Variants in REPS2 observed in about 807,000 individuals in gnomAD.
The protein encoded by REPS2 is ralBP1-associated Eps domain-containing protein 2.
In REPS2, 23 loss-of-function variants were observed where a neutral mutation model predicts 53.6. The ratio of observed to expected loss-of-function variants is 0.43; its 90% CI spans 0.31 to 0.61. The LOEUF is 0.61. Among genes scored for constraint, REPS2 ranks in the 20% least tolerant of loss-of-function variants. REPS2 has a pLI of 0.11. For missense variants in REPS2, 446 were observed against 534.9 expected (o/e 0.83, Z 1.64); for synonymous variants, 238 against 218.6 (o/e 1.09, Z -0.78).
intron 17 of REPS2, among the ~76,000 whole-genome samples, chrX:17,142,162 G>C (rs1007210116): frequency 3.6e-5 from 4 of 111,438 alleles, no homozygotes; most frequent in African/African-American, 1.3e-4. Flanking sequence ...TTTGTCATTT[G>C]CATTTAAAAA....
chrX:17,025,537 T>C (rs751287077), intron 4 of REPS2, among the ~76,000 whole-genome samples: 1 of 112,049 alleles, frequency 8.9e-6, no homozygotes, highest in South Asian at 3.7e-4. Context: ...ACCAAAGATA[T>C]TTATATAGTA....
the REPS2 span, among the ~76,000 whole-genome samples, chrX:17,177,269 G>A: frequency 8.9e-6 from 1 of 112,223 alleles, no homozygotes; most frequent in Non-Finnish European, 1.9e-5. Context: ...CCAGGTGAAA[G>A]TGCTCCCAAA....
At chrX:17,018,645 AT>A (rs2061532202) in intron 2 of REPS2, among the ~76,000 whole-genome samples, 1 of 101,921 alleles carries the variant, frequency 9.8e-6, no homozygotes, top group Non-Finnish European at 2.0e-5. Context: ...TTTTTGGCAG[AT>A]AACATTGAAA....
intron 5 of REPS2, among the ~76,000 whole-genome samples, chrX:17,046,436 A>G (rs1461415124): frequency 9.0e-6 from 1 of 111,430 alleles, no homozygotes; most frequent in Non-Finnish European, 1.9e-5. Context: ...TCGGCCTCCC[A>G]AAGTGCTGGG....
intron 3 of REPS2, 92 bp downstream of exon 3, chrX:17,022,363 C>A: frequency 2.3e-6 from 2 of 875,715 alleles, no homozygotes; most frequent in Non-Finnish European, 3.1e-6. Context: ...TCCAGCAAAT[C>A]TCACCATCTG....
At chrX:17,173,038 T>C in the REPS2 span, among the ~76,000 whole-genome samples, 1 of 110,630 alleles carries the variant, frequency 9.0e-6, no homozygotes, top group African/African-American at 3.3e-5. Context: ...AGCTTTGTAA[T>C]TTAATAATAT....
At chrX:17,159,193 C>G in the REPS2 span, among the ~76,000 whole-genome samples, 1 of 111,789 alleles carries the variant, frequency 8.9e-6, no homozygotes, top group Non-Finnish European at 1.9e-5. Flanking sequence ...TTCTCAGCCT[C>G]CCCAGATGAT....
chrX:16,964,795 C>CA (rs1569092777), intron 1 of REPS2, among the ~76,000 whole-genome samples: 1 of 84,814 alleles, frequency 1.2e-5, no homozygotes, highest in African/African-American at 4.5e-5. Flanking sequence ...GGCTGACCCC[C>CA]CCACCTCCCT....
intron 17 of REPS2, among the ~76,000 whole-genome samples, chrX:17,142,790 C>T (rs1251334347): frequency 8.9e-6 from 1 of 111,955 alleles, no homozygotes; most frequent in African/African-American, 3.2e-5. Flanking sequence ...TCAGCAGTTT[C>T]CTATGAAGTT....
At position 16,946,690 on chromosome X, in the gene REPS2, G is replaced by T. The variant is rs2147571284; in HGVS notation, c.-172G>T. 2.2e-6 allele frequency: 1 copy of T among 445,020 alleles called. No homozygotes were observed. Among genetic ancestry groups the T allele is most frequent in the East Asian group, 2.0e-4 (1 of 4,900 alleles). The allele number at this position is 445,020 out of a possible 1,213,427, so 36.7% of individuals were successfully genotyped here. A position where few individuals can be genotyped will look rare whatever the true frequency, so the allele number is the denominator to read the frequency against. ...AAGCCCGGGGGTGGGGCCGGCGCGC[G>T]CCGGGAGGAAGCGGCCGCGCGGCAG... On this transcript the variant is annotated 5_prime_UTR_variant, in exon 1 of 18. Transcript: ENST00000357277.
chrX:17,078,031 C>T (rs2062404899), intron 13 of REPS2, among the ~76,000 whole-genome samples: 1 of 111,934 alleles, frequency 8.9e-6, no homozygotes, highest in Admixed American at 9.4e-5. Context: ...CCAGAGGGGC[C>T]CTGTCTGCTC....
chrX:17,028,141 G>A (rs973596457), intron 4 of REPS2, among the ~76,000 whole-genome samples: 1 of 111,552 alleles, frequency 9.0e-6, no homozygotes, highest in Non-Finnish European at 1.9e-5. Context: ...GAAGCCAAGG[G>A]CCAGATGGTG....
intron 2 of REPS2, among the ~76,000 whole-genome samples, chrX:17,009,304 A>T (rs1414795081): frequency 9.0e-6 from 1 of 111,384 alleles, no homozygotes; most frequent in African/African-American, 3.3e-5. Flanking sequence ...GACTACAGGC[A>T]TGCGCCACCA....
chrX:16,976,432 T>G (rs7060904), intron 1 of REPS2, among the ~76,000 whole-genome samples: 42,952 of 109,752 alleles, frequency 0.39, 6,437 homozygotes, highest in Middle Eastern at 0.56. Context: ...TTGTTTCTTA[T>G]GTTTTTCATC....
chrX:17,058,558 C>T (rs756737922), intron 8 of REPS2, among the ~76,000 whole-genome samples: 1 of 111,106 alleles, frequency 9.0e-6, no homozygotes, highest in South Asian at 3.8e-4. Flanking sequence ...TCCTTTCCTA[C>T]TGCCAATGGC....
rs1569148159 is a variant in REPS2 at position 17,050,137 on chromosome X, T to TTC, written c.908-2245_908-2244insTC. Reference sequence around the variant, plus strand: ...TATGTTTCTTCTTTCTTTCTTCCTTTCTTCCTTTCTTTCTTTCTTTCTTTC... The same window carrying TTC: ...TATGTTTCTTCTTTCTTTCTTCCTTTTCCTTCCTTTCTTTCTTTCTTTCTTTC... On this transcript the variant is annotated intron_variant, in intron 6 of 17. Coordinates refer to ENST00000357277, the MANE Select transcript of REPS2 (RefSeq NM_004726.3). Among the ~76,000 whole-genome samples the TTC allele has an allele frequency of 4.5e-3, 218 of 48,927 alleles. 1 individual carries two copies. Among genetic ancestry groups the TTC allele is most frequent in the African/African-American group, 0.014 (211 of 15,464 alleles). The allele number at this position is 48,927 out of a possible 115,157, so 42.5% of individuals were successfully genotyped here.
chrX:17,000,914 C>T (rs2061298397), intron 1 of REPS2, among the ~76,000 whole-genome samples: 2 of 111,764 alleles, frequency 1.8e-5, no homozygotes, highest in South Asian at 7.5e-4. Flanking sequence ...GGATTTGACC[C>T]ATGAGCGGTA....
intron 1 of REPS2, among the ~76,000 whole-genome samples, chrX:16,970,781 T>C (rs2060880552): frequency 8.9e-6 from 1 of 112,494 alleles, no homozygotes; most frequent in African/African-American, 3.2e-5. Flanking sequence ...TGTGTGGTCA[T>C]TTGTGATTGT....
intron 17 of REPS2, among the ~76,000 whole-genome samples, chrX:17,139,180 T>A (rs545356474): frequency 2.7e-5 from 3 of 111,830 alleles, no homozygotes; most frequent in African/African-American, 9.7e-5. Context: ...CTCAAACCCT[T>A]TTTGGAAGGT....
Sources: gnomAD v4.1 joint callset for allele counts (sites outside exome capture counted in the v4.1 genomes callset) on GRCh38, gnomAD v4.1.1 for gene constraint, MANE v1.5 for transcripts, NCBI Gene and HGNC (gene_info 2026-07-23, HGNC 2026-07-21) for gene names.